TIAM2: variants seen among roughly 807,000 people sequenced by gnomAD.
TIAM2 encodes the protein rho guanine nucleotide exchange factor TIAM2.
A neutral mutation model predicts 152.9 loss-of-function variants in TIAM2; 80 were observed. That is an observed-to-expected ratio of 0.52 (90% confidence interval 0.44 to 0.63). The LOEUF is 0.63. Among genes scored for constraint, TIAM2 ranks in the 30% least tolerant of loss-of-function variants. The pLI is 0.00. For missense variants in TIAM2, 1,965 were observed against 2,120.1 expected, an observed-to-expected ratio of 0.93 and a Z score of 1.44; for synonymous variants, 804 against 838.0, an observed-to-expected ratio of 0.96 and a Z score of 0.70.
intron 7 of TIAM2, among the ~76,000 whole-genome samples, chr6:155,161,989 G>A (rs549344897): frequency 7.9e-4 from 119 of 149,746 alleles, no homozygotes; most frequent in African/African-American, 2.8e-3. Context: ...AGACAGTCTC[G>A]CTCTGTCACC....
intron 14 of TIAM2, among the ~76,000 whole-genome samples, chr6:155,200,858 G>A (rs1228067268): frequency 2.0e-5 from 3 of 152,060 alleles, no homozygotes; most frequent in African/African-American, 7.2e-5. Flanking sequence ...AGCCAAGATC[G>A]TGCCACTGCA....
intron 7 of TIAM2, 151 bp from the exon 8 acceptor site, chr6:155,164,264 T>G: frequency 5.0e-6 from 3 of 600,464 alleles, no homozygotes; most frequent in African/African-American, 1.8e-5. Context: ...ATGGGAGGGA[T>G]TGAGATGGGG....
intron 1 of TIAM2, among the ~76,000 whole-genome samples, chr6:155,017,506 C>CTTT (rs35552958): frequency 0.013 from 1,648 of 129,002 alleles, 54 homozygotes; most frequent in East Asian, 0.042. Context: ...TCCATTTTGT[C>CTTT]TTTTTTTTTT....
At position 155,244,895 on chromosome 6, in the gene TIAM2, T is replaced by C. The variant is rs143194893; in HGVS notation, c.3543+112T>C. On this transcript the variant is annotated intron_variant, in intron 18 of 26. Coordinates refer to ENST00000682666, the MANE Select transcript of TIAM2 (RefSeq NM_012454.4). ...TTCTTGTCCTGTGACTATTGACTAT[T>C]TATTGTCCTGTGACTATTTCCTTGC... 451 of 1,303,204 alleles carry C rather than the reference T, an allele frequency of 3.5e-4. 1 individual carries two copies. The East Asian group carries it at 0.011, about 31-fold the overall frequency. The allele number at this position is 1,303,204 out of a possible 1,614,324, so 80.7% of individuals were successfully genotyped here. A position where few individuals can be genotyped will look rare whatever the true frequency, so the allele number is the denominator to read the frequency against.
chr6:155,007,197 G>A (rs533232906), intron 1 of TIAM2, among the ~76,000 whole-genome samples: 76 of 152,154 alleles, frequency 5.0e-4, no homozygotes, highest in African/African-American at 1.5e-3. Context: ...CTCTCTTCCC[G>A]TCTCTTTTCC....
In TIAM2 at chr6:155,130,118, C is replaced by T. The variant is rs760170155; in HGVS notation, c.895C>T (p.Leu299Phe). 1 of 1,614,222 alleles carries T rather than the reference C, an allele frequency of 6.2e-7. No homozygotes were observed. Among genetic ancestry groups the T allele is most frequent in the Non-Finnish European group, 8.5e-7 (1 of 1,180,056 alleles). ...CAACCAAAGCTCTTCCCTCTCCTCC[C>T]TCCGGGAACTGTACAAAGATGCCAA... ...PFNQSSSLSSLRELYKDANLG... is the reference protein window; with the variant it reads ...PFNQSSSLSSFRELYKDANLG... The change falls in exon 4 of 27, where the codon CTC becomes TTC. Residue 299 changes from leucine to phenylalanine, a missense_variant. Transcript: ENST00000682666.
chr6:155,003,442 T>C (rs2114838527), intron 1 of TIAM2, among the ~76,000 whole-genome samples: 1 of 152,060 alleles, frequency 6.6e-6, no homozygotes, highest in African/African-American at 2.4e-5. Flanking sequence ...ATCACACCAC[T>C]GCACTTCAGC....
chr6:155,130,596 T>C (rs74674765), intron 4 of TIAM2, among the ~76,000 whole-genome samples, 179 bp downstream of exon 4: 5,970 of 152,344 alleles, frequency 0.039, 172 homozygotes, highest in Non-Finnish European at 0.061. Context: ...TTCTCTCTTT[T>C]GCTTCAGATA....
intron 1 of TIAM2, among the ~76,000 whole-genome samples, chr6:155,048,520 G>A (rs183746544): frequency 1.7e-4 from 26 of 152,038 alleles, no homozygotes; most frequent in Admixed American, 7.9e-4. Flanking sequence ...GACAAGTGTG[G>A]CCGTGGAAGG....
At chr6:155,101,575 T>C (rs1381429601) in intron 2 of TIAM2, among the ~76,000 whole-genome samples, 3 of 152,226 alleles carry the variant, frequency 2.0e-5, no homozygotes, top group Non-Finnish European at 4.4e-5. Flanking sequence ...GGAGTGGTGC[T>C]TGGTCAGATG....
At position 155,096,128 on chromosome 6, in the gene TIAM2, C is replaced by T. The variant is rs891255863; in HGVS notation, c.-118+5749C>T. On this transcript the variant is annotated intron_variant, in intron 2 of 26. Coordinates refer to ENST00000682666, the MANE Select transcript of TIAM2 (RefSeq NM_012454.4). ...CAAAACTTAGGATTTTGTACATTAT[C>T]ATTCATTGCTGTTTGTTAAGGTGTA... is the stretch of plus-strand genomic sequence containing the variant. Among the ~76,000 whole-genome samples the T allele has an allele frequency of 3.9e-5, 6 of 152,092 alleles. No homozygotes were observed. In the South Asian group the frequency reaches 1.2e-3, roughly 32 times the overall value.
chr6:155,104,638 T>C (rs1253045435), intron 2 of TIAM2, among the ~76,000 whole-genome samples: 1 of 151,708 alleles, frequency 6.6e-6, no homozygotes, highest in Admixed American at 6.6e-5. Flanking sequence ...GCGCTTGTAG[T>C]CCCAGCTACT....
At chr6:155,236,613 A>G (rs1167501122) in intron 15 of TIAM2, among the ~76,000 whole-genome samples, 1 of 152,196 alleles carries the variant, frequency 6.6e-6, no homozygotes, top group East Asian at 1.9e-4. Flanking sequence ...CAGTGAGCTG[A>G]GATCGTGCCA....
intron 2 of TIAM2, among the ~76,000 whole-genome samples, chr6:155,098,457 T>C (rs1000617818): frequency 1.3e-5 from 2 of 152,234 alleles, no homozygotes; most frequent in Admixed American, 6.5e-5. Flanking sequence ...TGGGATTGCC[T>C]ACTTGATTTC....
intron 1 of TIAM2, among the ~76,000 whole-genome samples, chr6:155,028,865 C>A (rs111210718): frequency 0.19 from 12,743 of 66,490 alleles, 3,272 homozygotes; most frequent in South Asian, 0.27. Flanking sequence ...ACTGTATATA[C>A]TATCTATACT....
rs892810527 is a variant in TIAM2, at chr6:155,248,151, G to A, written c.3804G>A (p.Gln1268=). 13 of 1,613,868 alleles carry A rather than the reference G, an allele frequency of 8.1e-6. No homozygotes were observed. The highest frequency in any genetic ancestry group is 1.1e-5 in the Non-Finnish European group (13 of 1,180,034). The change falls in exon 20 of 27, where the codon CAG becomes CAA. Residue 1268 remains glutamine, a synonymous_variant. Coordinates refer to ENST00000682666, the MANE Select transcript of TIAM2 (RefSeq NM_012454.4). The part of the protein sequence containing the change: ...LLKELVSLTD[Q]ESEEHYHLTE... ...AGGAGCTGGTGTCCCTGACGGACCA[G>A]GAGAGCGAGGAGCACTACCACCTGA...
chr6:155,107,681 G>C (rs145223838), intron 2 of TIAM2, among the ~76,000 whole-genome samples: 3 of 152,130 alleles, frequency 2.0e-5, no homozygotes, highest in African/African-American at 7.2e-5. Context: ...TTTGACTTTC[G>C]CTGTTTAGTA....
At chr6:154,998,205 C>A (rs117104963) in intron 1 of TIAM2, among the ~76,000 whole-genome samples, 1 of 152,090 alleles carries the variant, frequency 6.6e-6, no homozygotes, top group Non-Finnish European at 1.5e-5. Flanking sequence ...CGTGTCTAAT[C>A]GTGATTTGCT....
Position 155,039,518 on chromosome 6 carries a change from C to T in TIAM2, c.-209+44026C>T, listed in dbSNP as rs191946470. ...AGGTTCTTTGTCTGCACTGAAATTT[C>T]CCAGAAGTTTGGATAGCTAGGTAAA... is the stretch of plus-strand genomic sequence containing the variant. On this transcript the variant is annotated intron_variant, in intron 1 of 26. Transcript: ENST00000682666. 2.1e-3 allele frequency among the ~76,000 whole-genome samples: 326 copies of T among 151,920 alleles called. 1 individual carries two copies. Among genetic ancestry groups the T allele is most frequent in the African/African-American group, 7.4e-3 (305 of 41,412 alleles).
Sources: gnomAD v4.1 joint callset for allele counts (sites outside exome capture counted in the v4.1 genomes callset) on GRCh38, gnomAD v4.1.1 for gene constraint, MANE v1.5 for transcripts, NCBI Gene and HGNC (gene_info 2026-07-23, HGNC 2026-07-21) for gene names.